The following CSMD1 variants were observed in gnomAD, a reference collection of about 807,000 sequenced individuals.
CSMD1 encodes the protein CUB and Sushi multiple domains 1, also known as CUB and sushi domain-containing protein 1.
A neutral mutation model predicts 417.5 loss-of-function variants in CSMD1; 213 were observed. The observed-to-expected ratio is 0.51, with a 90% CI of 0.46 to 0.57. The LOEUF (loss-of-function observed/expected upper bound fraction) is 0.57. Among genes scored for constraint, CSMD1 ranks in the 20% least tolerant of loss-of-function variants. The pLI is 0.00. For missense variants in CSMD1, 6,923 were observed against 4,529.7 expected (o/e 1.53, Z -15.17); for synonymous variants, 2,862 against 1,736.8 (o/e 1.65, Z -16.11).
intron 7 of CSMD1, among the ~76,000 whole-genome samples, chr8:3,687,790 C>T (rs1044875868): frequency 1.3e-5 from 2 of 152,186 alleles, no homozygotes; most frequent in African/African-American, 4.8e-5. Context: ...AACACTTGAT[C>T]TTTGCTCCAC....
rs143023713 is a variant in CSMD1 at position 3,860,491 on chromosome 8, G to C, written c.819-106449C>G. 7.0e-3 allele frequency among the ~76,000 whole-genome samples: 1,061 copies of C among 152,078 alleles called. 9 individuals are homozygous for C. The highest frequency in any genetic ancestry group is 0.024 in the African/African-American group (1,011 of 41,450). ...CTAATATAGTTTTTAAAATGTACTT[G>C]AAGTTCCTTTATGCAAGGTACCTTG... On this transcript the variant is annotated intron_variant, in intron 5 of 69. Coordinates refer to ENST00000635120, the MANE Select transcript of CSMD1 (RefSeq NM_033225.6).
chr8:3,936,439 A>T (rs1810501483), intron 5 of CSMD1, among the ~76,000 whole-genome samples: 1 of 152,192 alleles, frequency 6.6e-6, no homozygotes, highest in African/African-American at 2.4e-5. Flanking sequence ...CTCTCTTCTT[A>T]GGGGCTAATG....
intron 1 of CSMD1, among the ~76,000 whole-genome samples, chr8:4,681,698 G>A (rs116502607): frequency 1.2e-4 from 19 of 152,006 alleles, no homozygotes; most frequent in South Asian, 2.1e-4. Context: ...AAAATAACCC[G>A]ACTTTAAGGC....
intron 7 of CSMD1, among the ~76,000 whole-genome samples, chr8:3,674,717 T>G (rs779892602): frequency 2.0e-5 from 3 of 152,124 alleles, no homozygotes; most frequent in Non-Finnish European, 4.4e-5. Context: ...GCCCCAGTCT[T>G]GCTGATTCCA....
At chr8:4,498,576 G>T (rs1802092750) in intron 2 of CSMD1, among the ~76,000 whole-genome samples, 1 of 152,188 alleles carries the variant, frequency 6.6e-6, no homozygotes, top group Non-Finnish European at 1.5e-5. Context: ...CTTGCAGAAA[G>T]ATGATTCAAT....
intron 3 of CSMD1, among the ~76,000 whole-genome samples, chr8:4,405,396 G>A (rs187850641): frequency 4.0e-5 from 6 of 151,780 alleles, no homozygotes; most frequent in East Asian, 1.9e-4. Flanking sequence ...TGTTACCTGC[G>A]TGAACATAAG....
chr8:4,721,642 T>G (rs1364953788), intron 1 of CSMD1, among the ~76,000 whole-genome samples: 1 of 152,066 alleles, frequency 6.6e-6, no homozygotes, highest in Non-Finnish European at 1.5e-5. Flanking sequence ...AATGGAAGAG[T>G]ATGGAGGTTC....
intron 3 of CSMD1, among the ~76,000 whole-genome samples, chr8:4,279,932 A>C (rs1470628987): frequency 6.6e-6 from 1 of 152,222 alleles, no homozygotes; most frequent in Non-Finnish European, 1.5e-5. Context: ...GCAAAGATAC[A>C]AATCACAAGA....
chr8:2,997,855 G>C (rs985255352), intron 54 of CSMD1, among the ~76,000 whole-genome samples, 156 bp downstream of exon 54: 1 of 152,184 alleles, frequency 6.6e-6, no homozygotes, highest in Non-Finnish European at 1.5e-5. Context: ...AGAGCTTTGT[G>C]CTTACTCTCA....
chr8:2,984,569 G>T (rs1322263293), intron 54 of CSMD1, among the ~76,000 whole-genome samples: 1 of 152,158 alleles, frequency 6.6e-6, no homozygotes, highest in Non-Finnish European at 1.5e-5. Context: ...GGCTGGTCTT[G>T]AACTCCTGAC....
intron 3 of CSMD1, among the ~76,000 whole-genome samples, chr8:4,255,406 T>C (rs1042072294): frequency 2.0e-5 from 3 of 152,224 alleles, no homozygotes; most frequent in African/African-American, 7.2e-5. Context: ...GGACGCAATA[T>C]GCAAACAGTA....
At chr8:4,456,054 T>C (rs4875345) in intron 2 of CSMD1, among the ~76,000 whole-genome samples, 22,851 of 106,694 alleles carry the variant, frequency 0.21, 2,264 homozygotes, top group Middle Eastern at 0.33. Flanking sequence ...AATACTATCA[T>C]TGACCAAAAA....
chr8:4,029,340 C>A (rs936517112), intron 4 of CSMD1, among the ~76,000 whole-genome samples: 1 of 152,132 alleles, frequency 6.6e-6, no homozygotes, highest in African/African-American at 2.4e-5. Flanking sequence ...GGGCAATTTA[C>A]AAAAGAGAGG....
chr8:3,511,532 A>G (rs897775315), intron 10 of CSMD1, among the ~76,000 whole-genome samples: 1 of 151,636 alleles, frequency 6.6e-6, no homozygotes, highest in African/African-American at 2.4e-5. Context: ...AGGCAGGTAG[A>G]TCACTTGAGG....
At chr8:4,761,247 A>G (rs544750600) in intron 1 of CSMD1, among the ~76,000 whole-genome samples, 1 of 152,260 alleles carries the variant, frequency 6.6e-6, no homozygotes, top group African/African-American at 2.4e-5. Context: ...GAACATTCAA[A>G]GTGGGCTCTT....
intron 10 of CSMD1, among the ~76,000 whole-genome samples, chr8:3,525,332 C>T (rs573708574): frequency 1.6e-4 from 24 of 152,246 alleles, no homozygotes; most frequent in African/African-American, 5.5e-4. Context: ...AGAAGGGCAG[C>T]ATTTCAAAAG....
intron 2 of CSMD1, among the ~76,000 whole-genome samples, chr8:4,635,276 G>A (rs1178486971): frequency 6.6e-6 from 1 of 152,060 alleles, no homozygotes; most frequent in Non-Finnish European, 1.5e-5. Context: ...TTTATTTACT[G>A]TTCACTCAAA....
At chr8:3,076,942 C>A (rs1272981833) in intron 49 of CSMD1, among the ~76,000 whole-genome samples, 2 of 152,174 alleles carry the variant, frequency 1.3e-5, no homozygotes, top group African/African-American at 4.8e-5. Context: ...GCATACTCAT[C>A]ACCTGAGTAG....
chr8:4,043,472 T>A (rs368993138), intron 3 of CSMD1, among the ~76,000 whole-genome samples: 1 of 152,194 alleles, frequency 6.6e-6, no homozygotes, highest in African/African-American at 2.4e-5. Context: ...CACCCAGTGT[T>A]ATGTTGTCTT....
Sources: allele counts gnomAD v4.1 joint callset (sites outside exome capture counted in the v4.1 genomes callset), GRCh38; gene constraint gnomAD v4.1.1; transcripts MANE v1.5; gene names NCBI Gene and HGNC (gene_info 2026-07-23, HGNC 2026-07-21).